The following SMOC2 variants were observed in gnomAD, a reference collection of about 807,000 sequenced individuals.
SMOC2 encodes the protein SPARC-related modular calcium-binding protein 2.
SMOC2 carries 39 observed loss-of-function variants against 61.4 expected under a neutral mutation model. That is an observed-to-expected ratio of 0.64 (90% CI 0.49 to 0.83). The LOEUF (loss-of-function observed/expected upper bound fraction) is 0.83. Ranked by LOEUF, SMOC2 falls within the 40% of genes least tolerant of loss-of-function variation. The pLI is 0.00. For synonymous variants in SMOC2, 247 were observed against 239.9 expected (o/e 1.03, Z -0.27); for missense variants, 556 against 592.9 (o/e 0.94, Z 0.65).
chr6:168,659,497 T>G (rs141844506), intron 11 of SMOC2, among the ~76,000 whole-genome samples: 7 of 1,914 alleles, frequency 3.7e-3, no homozygotes, highest in Admixed American at 7.9e-3. Context: ...GAAGTTATAG[T>G]ATTGGTGAGG....
intron 7 of SMOC2, among the ~76,000 whole-genome samples, chr6:168,584,889 C>T (rs568400390): frequency 6.6e-6 from 1 of 152,298 alleles, no homozygotes; most frequent in South Asian, 2.1e-4. Context: ...CGGGACAGCC[C>T]CCCAGAGCCA....
intron 2 of SMOC2, among the ~76,000 whole-genome samples, chr6:168,518,757 G>GAA (rs1381911156): frequency 2.0e-5 from 3 of 151,474 alleles, no homozygotes; most frequent in Non-Finnish European, 2.9e-5. Context: ...GCATGTGTGT[G>GAA]TGTTCATGTG....
rs891814727 is a variant in SMOC2 at position 168,664,013 on chromosome 6, G to C, written c.1286-61G>C. On this transcript the variant is annotated intron_variant, in intron 11 of 12. Transcript: ENST00000356284. ...GTGGACTCCTTCCTGAAATTGTGTT[G>C]AACCTTTCATTAAATAATGAGTCTC... is the stretch of plus-strand genomic sequence containing the variant. 2.8e-6 allele frequency: 4 copies of C among 1,412,680 alleles called. No homozygotes were observed. In the African/African-American group the frequency reaches 5.8e-5, roughly 20 times the overall value. The allele number at this position is 1,412,680 out of a possible 1,614,324, so 87.5% of individuals were successfully genotyped here.
At chr6:168,600,434 CAAAAAAAAAAA>C (rs1331165430) in intron 8 of SMOC2, among the ~76,000 whole-genome samples, 13 of 25,370 alleles carry the variant, frequency 5.1e-4, no homozygotes, top group African/African-American at 1.4e-3. Context: ...AAAAAAAAAA[CAAAAAAAAAAA>C]CAGTAGTTTC....
intron 5 of SMOC2, 166 bp from the exon 6 acceptor site, chr6:168,546,953 C>A: frequency 1.3e-6 from 1 of 790,928 alleles, no homozygotes; most frequent in Admixed American, 1.7e-5. Flanking sequence ...TATAGTCATT[C>A]CAGCCGCAGC....
intron 9 of SMOC2, among the ~76,000 whole-genome samples, chr6:168,609,472 A>G (rs375119690): frequency 3.9e-5 from 6 of 152,238 alleles, no homozygotes; most frequent in African/African-American, 1.4e-4. Flanking sequence ...CGATGGTGCA[A>G]ACACACCCGT....
chr6:168,616,153 T>C (rs1186123035), intron 9 of SMOC2, among the ~76,000 whole-genome samples: 3 of 152,240 alleles, frequency 2.0e-5, no homozygotes. Flanking sequence ...AAATGTCTAC[T>C]TCTGTGATCC....
chr6:168,487,440 G>A (rs551543925), intron 1 of SMOC2, among the ~76,000 whole-genome samples: 1 of 152,264 alleles, frequency 6.6e-6, no homozygotes, highest in Admixed American at 6.5e-5. Context: ...TATTTATTGA[G>A]CTATCTCATG....
At chr6:168,636,255 G>A (rs1477645021) in intron 9 of SMOC2, among the ~76,000 whole-genome samples, 4 of 152,116 alleles carry the variant, frequency 2.6e-5, no homozygotes, top group Admixed American at 6.5e-5. Flanking sequence ...CATGGTGCTC[G>A]GCACAGGTGG....
chr6:168,486,351 C>T (rs906352678), intron 1 of SMOC2, among the ~76,000 whole-genome samples: 1 of 152,026 alleles, frequency 6.6e-6, no homozygotes, highest in Non-Finnish European at 1.5e-5. Context: ...CTTCTCTACA[C>T]ACTCTACACT....
chr6:168,457,287 A>G (rs1781607331), intron 1 of SMOC2, among the ~76,000 whole-genome samples: 1 of 152,158 alleles, frequency 6.6e-6, no homozygotes, highest in Non-Finnish European at 1.5e-5. Context: ...CGGGGGAGTC[A>G]GAACCCAGTT....
chr6:168,628,102 C>CT (rs1452624620), intron 9 of SMOC2, among the ~76,000 whole-genome samples: 4 of 152,222 alleles, frequency 2.6e-5, no homozygotes, highest in Non-Finnish European at 4.4e-5. Context: ...CTTGGCCTCC[C>CT]TGGGCGCGCC....
intron 1 of SMOC2, among the ~76,000 whole-genome samples, chr6:168,456,389 C>G (rs900813441): frequency 6.6e-6 from 1 of 152,204 alleles, no homozygotes; most frequent in East Asian, 1.9e-4. Flanking sequence ...TGGGTCTGCC[C>G]TTGAGTTAAC....
At chr6:168,565,255 G>A (rs918299499) in intron 7 of SMOC2, among the ~76,000 whole-genome samples, 1 of 152,236 alleles carries the variant, frequency 6.6e-6, no homozygotes, top group African/African-American at 2.4e-5. Flanking sequence ...AAGTAGCACA[G>A]TCATGTGGTT....
intron 1 of SMOC2, among the ~76,000 whole-genome samples, chr6:168,459,925 G>A (rs1015742764): frequency 1.4e-4 from 21 of 152,218 alleles, no homozygotes; most frequent in African/African-American, 4.6e-4. Context: ...ACGCTGGCCC[G>A]ATTCATTTTC....
intron 1 of SMOC2, among the ~76,000 whole-genome samples, chr6:168,496,287 C>T (rs1782588189): frequency 6.6e-6 from 1 of 152,184 alleles, no homozygotes; most frequent in South Asian, 2.1e-4. Context: ...GCCCTGCAAT[C>T]CCTGTTTCTA....
At chr6:168,627,536 C>T (rs546968742) in intron 9 of SMOC2, among the ~76,000 whole-genome samples, 25 of 152,262 alleles carry the variant, frequency 1.6e-4, no homozygotes, top group African/African-American at 5.5e-4. Context: ...CTACAAAATC[C>T]AGTGACTCTG....
At chr6:168,618,702 T>G (rs1786166465) in intron 9 of SMOC2, among the ~76,000 whole-genome samples, 1 of 152,026 alleles carries the variant, frequency 6.6e-6, no homozygotes, top group Admixed American at 6.5e-5. Flanking sequence ...ATGTCCCGCA[T>G]GGGGTGAGCA....
chr6:168,505,584 A>G (rs1782856179), intron 1 of SMOC2, among the ~76,000 whole-genome samples: 1 of 152,248 alleles, frequency 6.6e-6, no homozygotes, highest in Non-Finnish European at 1.5e-5. Flanking sequence ...CGTCTCTCAG[A>G]TGCCGGATGA....
Sources: gnomAD v4.1 joint callset for allele counts (sites outside exome capture counted in the v4.1 genomes callset) on GRCh38, gnomAD v4.1.1 for gene constraint, MANE v1.5 for transcripts, NCBI Gene and HGNC (gene_info 2026-07-23, HGNC 2026-07-21) for gene names.